CLSTN2: variants seen among roughly 807,000 people sequenced by gnomAD.
CLSTN2 encodes calsyntenin-2.
A neutral mutation model predicts 101.2 loss-of-function variants in CLSTN2; 48 were observed. The observed-to-expected ratio is 0.47, with a 90% CI of 0.38 to 0.60. The LOEUF (loss-of-function observed/expected upper bound fraction) is 0.60, where lower values mean the gene tolerates loss of function less well. Ranked by LOEUF, CLSTN2 falls within the 20% of genes least tolerant of loss-of-function variation. CLSTN2 has a pLI of 0.00. For missense variants in CLSTN2, 1,160 were observed against 1,238.2 expected (o/e 0.94, Z 0.95); for synonymous variants, 481 against 463.6 (o/e 1.04, Z -0.48).
chr3:140,298,884 T>C (rs1360950296), intron 2 of CLSTN2, among the ~76,000 whole-genome samples: 1 of 152,126 alleles, frequency 6.6e-6, no homozygotes, highest in East Asian at 1.9e-4. Flanking sequence ...CCCTTCAACC[T>C]GAATAAAAGC....
chr3:140,240,966 G>A (rs1341533091), intron 2 of CLSTN2, among the ~76,000 whole-genome samples: 2 of 152,112 alleles, frequency 1.3e-5, no homozygotes, highest in East Asian at 1.9e-4. Context: ...ACCATCATGA[G>A]GTTGTAATGT....
chr3:140,257,412 A>G (rs190585657), intron 2 of CLSTN2, among the ~76,000 whole-genome samples: 5 of 152,340 alleles, frequency 3.3e-5, no homozygotes, highest in East Asian at 3.9e-4. Flanking sequence ...AAAATTGGCT[A>G]TGGATCACAT....
intron 2 of CLSTN2, among the ~76,000 whole-genome samples, chr3:140,241,330 A>G (rs9837516): frequency 0.97 from 147,600 of 152,268 alleles, 71,685 homozygotes; most frequent in East Asian, 1. Flanking sequence ...CATGTTCAGT[A>G]AGAAAGTGTT....
intron 8 of CLSTN2, among the ~76,000 whole-genome samples, chr3:140,487,511 GA>G (rs781053020): frequency 5.3e-5 from 8 of 152,208 alleles, no homozygotes; most frequent in Non-Finnish European, 1.0e-4. Context: ...ACACTGTTCT[GA>G]TTCCAGTGTC....
intron 1 of CLSTN2, among the ~76,000 whole-genome samples, chr3:140,077,387 G>T (rs1459354286): frequency 6.6e-6 from 1 of 152,130 alleles, no homozygotes. Flanking sequence ...TTATCACAGG[G>T]CTCTCATTTA....
chr3:140,397,445 C>T (rs2088194999), intron 2 of CLSTN2, among the ~76,000 whole-genome samples: 1 of 152,134 alleles, frequency 6.6e-6, no homozygotes, highest in Non-Finnish European at 1.5e-5. Context: ...TAAATTTATG[C>T]ACTGTCTCCA....
chr3:140,491,471 A>G (rs536424580), intron 8 of CLSTN2, among the ~76,000 whole-genome samples: 9 of 152,370 alleles, frequency 5.9e-5, no homozygotes, highest in African/African-American at 2.2e-4. Flanking sequence ...TTTAATGCAT[A>G]GGAGAAAAGG....
intron 2 of CLSTN2, among the ~76,000 whole-genome samples, chr3:140,339,554 G>C (rs1016475920): frequency 6.6e-6 from 1 of 152,048 alleles, no homozygotes; most frequent in Non-Finnish European, 1.5e-5. Context: ...CCATAAACTC[G>C]ACCTACTAAA....
intron 1 of CLSTN2, among the ~76,000 whole-genome samples, chr3:140,171,812 A>C (rs1468962439): frequency 9.6e-6 from 1 of 104,560 alleles, no homozygotes; most frequent in Non-Finnish European, 1.9e-5. Flanking sequence ...TGTATTATAT[A>C]TTATATATTA....
chr3:140,136,864 C>T (rs956471457), intron 1 of CLSTN2, among the ~76,000 whole-genome samples: 1 of 152,100 alleles, frequency 6.6e-6, no homozygotes, highest in African/African-American at 2.4e-5. Context: ...TGAGTTTAAC[C>T]TCAGGTATGA....
intron 2 of CLSTN2, among the ~76,000 whole-genome samples, chr3:140,185,149 G>A (rs896283182): frequency 3.9e-5 from 6 of 152,106 alleles, no homozygotes; most frequent in African/African-American, 1.4e-4. Context: ...AAGTCCGGGG[G>A]ACTTGGCAAG....
chr3:140,006,777 T>G (rs2006967174), intron 1 of CLSTN2, among the ~76,000 whole-genome samples: 1 of 152,210 alleles, frequency 6.6e-6, no homozygotes, highest in African/African-American at 2.4e-5. Context: ...ATAAGTGTTT[T>G]TATAAGTGCA....
chr3:140,319,204 C>T (rs563552974), intron 2 of CLSTN2, among the ~76,000 whole-genome samples: 1 of 152,236 alleles, frequency 6.6e-6, no homozygotes, highest in South Asian at 2.1e-4. Context: ...AAGAAAATGT[C>T]TTGTTTCATA....
In CLSTN2 at chr3:140,556,363, C is replaced by T. The variant is rs918557611; in HGVS notation, c.1675-150C>T. ...GAGGAAATGCTTGAGAGTTTAAACA[C>T]TATCATTTGTACACACAACTGTGTC... is the stretch of plus-strand genomic sequence containing the variant. On this transcript the variant is annotated intron_variant, in intron 10 of 16. Coordinates refer to ENST00000458420, the MANE Select transcript of CLSTN2 (RefSeq NM_022131.3). 4.2e-6 allele frequency: 3 copies of T among 713,134 alleles called. No individual in the cohort carries two copies. The African/African-American group carries it at 5.3e-5, about 13-fold the overall frequency. The allele number at this position is 713,134 out of a possible 1,614,324, so 44.2% of individuals were successfully genotyped here. A position where few individuals can be genotyped will look rare whatever the true frequency, so the allele number is the denominator to read the frequency against.
chr3:140,135,117 C>CATATAT (rs66931848), intron 1 of CLSTN2, among the ~76,000 whole-genome samples: 42 of 58,100 alleles, frequency 7.2e-4, no homozygotes, highest in African/African-American at 1.5e-3. Flanking sequence ...CACACACACA[C>CATATAT]ATATATATAT....
intron 2 of CLSTN2, among the ~76,000 whole-genome samples, chr3:140,178,166 G>A (rs1487633402): frequency 1.3e-5 from 2 of 152,090 alleles, no homozygotes; most frequent in Non-Finnish European, 2.9e-5. Context: ...AATAGTGAAA[G>A]GGAAACCGAA....
intron 1 of CLSTN2, among the ~76,000 whole-genome samples, chr3:140,051,698 T>C (rs546157291): frequency 1.4e-4 from 22 of 152,330 alleles, no homozygotes; most frequent in African/African-American, 4.8e-4. Context: ...CAAAACACTA[T>C]TGAGGCTGGG....
At chr3:140,049,772 C>A (rs979437677) in intron 1 of CLSTN2, among the ~76,000 whole-genome samples, 1 of 152,196 alleles carries the variant, frequency 6.6e-6, no homozygotes, top group Non-Finnish European at 1.5e-5. Flanking sequence ...AGTGGTGATC[C>A]CAGTGACCCC....
intron 1 of CLSTN2, among the ~76,000 whole-genome samples, chr3:140,156,476 T>C (rs1209551473): frequency 6.6e-6 from 1 of 152,252 alleles, no homozygotes; most frequent in Non-Finnish European, 1.5e-5. Context: ...ACTGAGGACC[T>C]GACCAGGCAT....
Sources: allele counts gnomAD v4.1 joint callset (sites outside exome capture counted in the v4.1 genomes callset), GRCh38; gene constraint gnomAD v4.1.1; transcripts MANE v1.5; gene names NCBI Gene and HGNC (gene_info 2026-07-23, HGNC 2026-07-21).